The following LIN52 variants were observed in gnomAD, a reference collection of about 807,000 sequenced individuals.
LIN52 encodes the protein lin-52 DREAM MuvB core complex component, also known as protein lin-52 homolog.
A neutral mutation model predicts 18.5 loss-of-function variants in LIN52; 4 were observed. That is an observed-to-expected ratio of 0.22 (90% CI 0.11 to 0.49). LIN52 has a LOEUF of 0.49. Ranked by LOEUF, LIN52 falls within the 20% of genes least tolerant of loss-of-function variation. The probability of loss-of-function intolerance (pLI) is 0.97; values close to 1 mark genes in which losing one functional copy is unlikely to be tolerated. For missense variants in LIN52, 102 were observed against 139.5 expected (o/e 0.73, Z 1.35); for synonymous variants, 34 against 45.5 (o/e 0.75, Z 1.02).
chr14:74,106,965 C>T (rs1481147318), intron 5 of LIN52, among the ~76,000 whole-genome samples: 1 of 152,190 alleles, frequency 6.6e-6, no homozygotes, highest in Non-Finnish European at 1.5e-5. Flanking sequence ...CTTCATTACC[C>T]ATAGGATAAA....
At chr14:74,192,741 G>A in intron 5 of LIN52, 1 of 262,648 alleles carries the variant, frequency 3.8e-6, no homozygotes, top group Non-Finnish European at 7.4e-6. Flanking sequence ...TTGATGGGCA[G>A]CCAATTAATG....
At chr14:74,168,968 C>T (rs553721691) in intron 5 of LIN52, among the ~76,000 whole-genome samples, 6 of 152,214 alleles carry the variant, frequency 3.9e-5, no homozygotes, top group African/African-American at 1.2e-4. Context: ...GCAGGAGAAT[C>T]GCCTGAACCT....
chr14:74,194,937 G>A (rs1011828548), intron 5 of LIN52, among the ~76,000 whole-genome samples: 29 of 152,190 alleles, frequency 1.9e-4, no homozygotes, highest in African/African-American at 7.0e-4. Flanking sequence ...CTGAGGTCAG[G>A]AGTCCGAGAC....
intron 5 of LIN52, among the ~76,000 whole-genome samples, chr14:74,118,307 A>G (rs1161497329): frequency 6.6e-6 from 1 of 152,216 alleles, no homozygotes; most frequent in East Asian, 1.9e-4. Context: ...TGAGAATTCA[A>G]TCTGATTCAG....
chr14:74,148,520 AG>A (rs1482823797), intron 5 of LIN52, among the ~76,000 whole-genome samples: 1 of 152,164 alleles, frequency 6.6e-6, no homozygotes, highest in Non-Finnish European at 1.5e-5. Context: ...AGTAGGCTAA[AG>A]GTGTTTGGAA....
At chr14:74,141,353 A>G (rs1177137446) in intron 5 of LIN52, among the ~76,000 whole-genome samples, 1 of 152,174 alleles carries the variant, frequency 6.6e-6, no homozygotes, top group Non-Finnish European at 1.5e-5. Flanking sequence ...TGACCCCACA[A>G]CATGTCTTGG....
intron 4 of LIN52, 79 bp downstream of exon 4, chr14:74,097,939 T>A: frequency 1.8e-6 from 2 of 1,084,902 alleles, no homozygotes; most frequent in Non-Finnish European, 2.8e-6. Context: ...TTTTTCTGTT[T>A]CCTTACAAGT....
chr14:74,130,277 G>GTTTTTTTTTTTTTTTTTTTTTT (rs371965343), intron 5 of LIN52, among the ~76,000 whole-genome samples: 1 of 46,426 alleles, frequency 2.2e-5, no homozygotes, highest in Non-Finnish European at 3.5e-5. Context: ...GGCATTTTTT[G>GTTTTTTTTTTTTTTTTTTTTTT]GTTTTTTTTT....
intron 5 of LIN52, among the ~76,000 whole-genome samples, chr14:74,142,462 T>C (rs1381019740): frequency 6.6e-6 from 1 of 152,188 alleles, no homozygotes; most frequent in Non-Finnish European, 1.5e-5. Context: ...GATGTAGGTA[T>C]ACAGAGATTT....
chr14:74,088,565 C>G (rs112575038), intron 1 of LIN52, among the ~76,000 whole-genome samples: 1 of 152,080 alleles, frequency 6.6e-6, no homozygotes, highest in Non-Finnish European at 1.5e-5. Flanking sequence ...CCTCAGAAAT[C>G]GGTAACAAAG....
chr14:74,103,265 G>A (rs1445895193), intron 5 of LIN52, among the ~76,000 whole-genome samples: 1 of 152,002 alleles, frequency 6.6e-6, no homozygotes, highest in African/African-American at 2.4e-5. Flanking sequence ...TTTTAGTAGA[G>A]ATGGGGTTTC....
At chr14:74,136,220 A>G (rs1475636577) in intron 5 of LIN52, among the ~76,000 whole-genome samples, 1 of 152,218 alleles carries the variant, frequency 6.6e-6, no homozygotes, top group Non-Finnish European at 1.5e-5. Context: ...GCAAGTTGAA[A>G]GTGCTTAACA....
intron 5 of LIN52, among the ~76,000 whole-genome samples, chr14:74,163,235 C>T (rs1382856376): frequency 1.3e-5 from 2 of 152,122 alleles, no homozygotes; most frequent in Non-Finnish European, 2.9e-5. Context: ...TGCACACCAC[C>T]ATGCCCAGCT....
chr14:74,156,527 A>G (rs947512220), intron 5 of LIN52, among the ~76,000 whole-genome samples: 1 of 152,176 alleles, frequency 6.6e-6, no homozygotes, highest in Admixed American at 6.5e-5. Context: ...GACACATAAT[A>G]ATTGCACATA....
chr14:74,199,344 T>C lies in LIN52; in HGVS notation c.*367T>C, dbSNP rs1826397459. 1 of 182,158 alleles carries C rather than the reference T, an allele frequency of 5.5e-6. No homozygotes were observed. Among genetic ancestry groups the C allele is most frequent in the Admixed American group, 5.9e-5 (1 of 16,816 alleles). The allele number at this position is 182,158 out of a possible 1,614,324, so 11.3% of individuals were successfully genotyped here. ...GATTTGACTCAGTCATGGCAGTCAGTTGTGACATGTTGATTGGATGGGTTC... is the reference window on the plus strand; with the variant it reads ...GATTTGACTCAGTCATGGCAGTCAGCTGTGACATGTTGATTGGATGGGTTC... On this transcript the variant is annotated 3_prime_UTR_variant, in exon 6 of 6. Transcript: ENST00000555028.
intron 5 of LIN52, among the ~76,000 whole-genome samples, 181 bp from the exon 6 acceptor site, chr14:74,198,741 T>C (rs1054421702): frequency 1.3e-5 from 2 of 152,228 alleles, no homozygotes; most frequent in South Asian, 2.1e-4. Flanking sequence ...TTGTACAGTT[T>C]TAGTTGTCTA....
intron 5 of LIN52, among the ~76,000 whole-genome samples, chr14:74,159,992 A>G (rs2061217425): frequency 1.3e-5 from 2 of 152,206 alleles, no homozygotes; most frequent in African/African-American, 4.8e-5. Flanking sequence ...GAGAGTTTCT[A>G]TGACTTTTAT....
intron 5 of LIN52, among the ~76,000 whole-genome samples, chr14:74,166,238 CAG>C (rs2061249343): frequency 1.3e-5 from 2 of 150,782 alleles, no homozygotes; most frequent in African/African-American, 4.9e-5. Flanking sequence ...TTTTTTAAGA[CAG>C]AGTTTTGCTC....
intron 5 of LIN52, among the ~76,000 whole-genome samples, chr14:74,108,187 A>G (rs999416872): frequency 3.3e-5 from 5 of 151,842 alleles, no homozygotes; most frequent in African/African-American, 9.6e-5. Context: ...CAATTATGCT[A>G]TAGCATGTAT....
Sources: allele counts gnomAD v4.1 joint callset (sites outside exome capture counted in the v4.1 genomes callset), GRCh38; gene constraint gnomAD v4.1.1; transcripts MANE v1.5; gene names NCBI Gene and HGNC (gene_info 2026-07-23, HGNC 2026-07-21).